Variants in RIMS2 observed in about 807,000 individuals in gnomAD.
RIMS2 encodes the protein regulating synaptic membrane exocytosis protein 2.
In RIMS2, 59 loss-of-function variants were observed where a neutral mutation model predicts 174.4. The observed-to-expected ratio is 0.34, with a 90% confidence interval of 0.27 to 0.42. The LOEUF (loss-of-function observed/expected upper bound fraction) is 0.42, where lower values mean the gene tolerates loss of function less well. Ranked by LOEUF, RIMS2 falls within the 10% of genes least tolerant of loss-of-function variation. The pLI, the probability that RIMS2 is intolerant of heterozygous loss-of-function variation, is 1.00. For missense variants in RIMS2, 1,620 were observed against 1,666.3 expected (o/e 0.97, Z 0.48); for synonymous variants, 606 against 572.5 (o/e 1.06, Z -0.84).
chr8:104,231,191 C>T (rs914433368), intron 19 of RIMS2, among the ~76,000 whole-genome samples: 1 of 152,174 alleles, frequency 6.6e-6, no homozygotes, highest in Admixed American at 6.5e-5. Context: ...TGCTCTCTCT[C>T]TCTCCCTTCT....
chr8:104,081,970 A>G lies in RIMS2; in HGVS notation c.3334+67355A>G, dbSNP rs574024052. On this transcript the variant is annotated intron_variant, in intron 19 of 23. Transcript: ENST00000504942. ...CTTCTCTGTTTTTTAAGGCATTTGAATATTTTTTTTTCAATTTCAGTGGTC... is the reference window on the plus strand; with the variant it reads ...CTTCTCTGTTTTTTAAGGCATTTGAGTATTTTTTTTTCAATTTCAGTGGTC... Among the ~76,000 whole-genome samples the G allele has an allele frequency of 2.6e-5, 4 of 152,136 alleles. No homozygotes were observed. The South Asian group carries it at 8.3e-4, about 32-fold the overall frequency.
chr8:103,871,984 C>G (rs1431213533), intron 3 of RIMS2, among the ~76,000 whole-genome samples: 2 of 152,132 alleles, frequency 1.3e-5, no homozygotes, highest in African/African-American at 4.8e-5. Context: ...TATGGCTACC[C>G]ATTGCACATT....
At chr8:104,100,822 T>C (rs1207641977) in intron 19 of RIMS2, among the ~76,000 whole-genome samples, 3 of 141,332 alleles carry the variant, frequency 2.1e-5, no homozygotes, top group East Asian at 2.0e-4. Flanking sequence ...TATTATATTA[T>C]ATATGTAATA....
intron 19 of RIMS2, among the ~76,000 whole-genome samples, chr8:104,082,946 TACAG>T (rs2097453296): frequency 1.3e-5 from 2 of 152,106 alleles, no homozygotes; most frequent in South Asian, 2.1e-4. Flanking sequence ...AAAAGAACAT[TACAG>T]ACAAAGAGTC....
intron 1 of RIMS2, among the ~76,000 whole-genome samples, chr8:103,504,059 G>A (rs1219803888): frequency 6.6e-6 from 1 of 152,046 alleles, no homozygotes; most frequent in Non-Finnish European, 1.5e-5. Flanking sequence ...AATCTCAGTA[G>A]AACCCTAATC....
chr8:104,004,539 T>C (rs1367890614), intron 17 of RIMS2, among the ~76,000 whole-genome samples: 1 of 152,092 alleles, frequency 6.6e-6, no homozygotes, highest in Non-Finnish European at 1.5e-5. Context: ...TGCAGTAGCC[T>C]AAGTATGACC....
rs116616403 is a variant in RIMS2 at position 104,045,986 on chromosome 8, C to T, written c.3334+31371C>T. 3.7e-3 allele frequency among the ~76,000 whole-genome samples: 566 copies of T among 152,046 alleles called. 3 individuals carry two copies. The highest frequency in any genetic ancestry group is 0.013 in the African/African-American group (533 of 41,536). On this transcript the variant is annotated intron_variant, in intron 19 of 23. Transcript: ENST00000504942. ...TAAGTGAAACTTCTAAAAATTAATA[C>T]AATTACAGTATTCTTTTCTGTTTTG...
chr8:103,754,809 G>A (rs953150455), intron 2 of RIMS2, among the ~76,000 whole-genome samples: 1 of 151,786 alleles, frequency 6.6e-6, no homozygotes, highest in Non-Finnish European at 1.5e-5. Flanking sequence ...CCTTTACCTT[G>A]AGCCTATATG....
chr8:103,915,513 A>G, exon 7 of RIMS2: 1 of 1,601,036 alleles, frequency 6.2e-7, no homozygotes, highest in Non-Finnish European at 8.5e-7. Flanking sequence ...AGGAAAGATG[A>G]CTGAATCAGG....
intron 4 of RIMS2, among the ~76,000 whole-genome samples, chr8:103,893,552 G>A (rs953035963): frequency 6.6e-6 from 1 of 152,032 alleles, no homozygotes; most frequent in Admixed American, 6.6e-5. Flanking sequence ...ACTATGGTTT[G>A]TGGGCACAAT....
At position 103,885,142 on chromosome 8, in the gene RIMS2, A is replaced by G. The variant is rs138898746; in HGVS notation, c.699-156A>G. 4.9e-3 allele frequency among the ~76,000 whole-genome samples: 739 copies of G among 152,032 alleles called. 6 individuals carry two copies. The highest frequency in any genetic ancestry group is 0.017 in the African/African-American group (714 of 41,524). On this transcript the variant is annotated intron_variant, in intron 3 of 23. Transcript: ENST00000504942. ...TACTTATTTGAACTGAATATAATGA[A>G]TACTACTAAAACCATTGTTACGCTA...
At chr8:103,544,607 ACT>A (rs1844113929) in intron 1 of RIMS2, among the ~76,000 whole-genome samples, 2 of 151,990 alleles carry the variant, frequency 1.3e-5, no homozygotes, top group African/African-American at 4.8e-5. Flanking sequence ...TTCTGCCTGA[ACT>A]CTGTGTGCAG....
At chr8:104,172,497 C>T (rs548843586) in intron 19 of RIMS2, among the ~76,000 whole-genome samples, 2 of 152,276 alleles carry the variant, frequency 1.3e-5, no homozygotes, top group African/African-American at 4.8e-5. Flanking sequence ...TAAAGTTTGT[C>T]AGAACACGGC....
At chr8:104,196,207 A>G (rs2099023504) in intron 19 of RIMS2, among the ~76,000 whole-genome samples, 1 of 152,150 alleles carries the variant, frequency 6.6e-6, no homozygotes, top group Non-Finnish European at 1.5e-5. Context: ...AAGTCTTATA[A>G]TGAATTTATT....
At chr8:103,855,343 A>G (rs2099022076) in intron 3 of RIMS2, among the ~76,000 whole-genome samples, 1 of 151,768 alleles carries the variant, frequency 6.6e-6, no homozygotes, top group African/African-American at 2.4e-5. Context: ...TTTGCATCTC[A>G]ATTTCATTAG....
At chr8:103,681,689 G>A (rs1202002328) in intron 1 of RIMS2, among the ~76,000 whole-genome samples, 1 of 152,060 alleles carries the variant, frequency 6.6e-6, no homozygotes, top group Non-Finnish European at 1.5e-5. Context: ...AGTTAAAGAT[G>A]TGTATAGTAT....
intron 19 of RIMS2, among the ~76,000 whole-genome samples, chr8:104,125,263 C>A (rs961173079): frequency 6.6e-6 from 1 of 152,084 alleles, no homozygotes; most frequent in Non-Finnish European, 1.5e-5. Context: ...ATTGACTGAG[C>A]GATATGTATT....
chr8:104,057,273 G>T (rs562009584), intron 19 of RIMS2, among the ~76,000 whole-genome samples: 1 of 151,732 alleles, frequency 6.6e-6, no homozygotes, highest in Non-Finnish European at 1.5e-5. Context: ...TCACTTTGTT[G>T]CCTAGGCTAT....
intron 1 of RIMS2, among the ~76,000 whole-genome samples, chr8:103,627,227 G>A (rs1265105889): frequency 2.6e-5 from 4 of 152,240 alleles, no homozygotes; most frequent in Middle Eastern, 3.4e-3. Context: ...TTGCACATCC[G>A]TTTATAGGCT....
Sources: gnomAD v4.1 joint callset for allele counts (sites outside exome capture counted in the v4.1 genomes callset) on GRCh38, gnomAD v4.1.1 for gene constraint, MANE v1.5 for transcripts, NCBI Gene and HGNC (gene_info 2026-07-23, HGNC 2026-07-21) for gene names.